CACNA1C: variants seen among roughly 807,000 people sequenced by gnomAD.
CACNA1C encodes calcium voltage-gated channel subunit alpha1 C.
A neutral mutation model predicts 229.0 loss-of-function variants in CACNA1C; 30 were observed. The observed-to-expected ratio is 0.13, with a 90% CI of 0.10 to 0.18. The LOEUF (loss-of-function observed/expected upper bound fraction) is 0.18, where lower values mean the gene tolerates loss of function less well. CACNA1C is among the 10% of genes least tolerant of loss of function. CACNA1C has a pLI of 1.00. For synonymous variants in CACNA1C, 1,114 were observed against 1,132.5 expected (o/e 0.98, Z 0.33); for missense variants, 1,658 against 2,845.0 (o/e 0.58, Z 9.49).
chr12:2,414,663 A>G (rs1256630296), intron 3 of CACNA1C, among the ~76,000 whole-genome samples: 1 of 152,088 alleles, frequency 6.6e-6, no homozygotes, highest in Non-Finnish European at 1.5e-5. Context: ...TCTACCTCTG[A>G]TTGAGTGTCA....
At chr12:2,676,623 C>T (rs1341034610) in intron 39 of CACNA1C, 1 of 154,194 alleles carries the variant, frequency 6.5e-6, no homozygotes, top group Non-Finnish European at 1.4e-5. Flanking sequence ...CTCCTTCCAC[C>T]AGCCCCTCCC....
intron 3 of CACNA1C, among the ~76,000 whole-genome samples, chr12:2,320,867 C>G (rs985896208): frequency 2.0e-5 from 3 of 150,722 alleles, no homozygotes; most frequent in South Asian, 2.1e-4. Context: ...GCTTGGAAAC[C>G]CTCATTCCCT....
At chr12:2,005,183 A>G (rs894648530) in intron 1 of CACNA1C, among the ~76,000 whole-genome samples, 9 of 152,090 alleles carry the variant, frequency 5.9e-5, no homozygotes, top group African/African-American at 2.2e-4. Flanking sequence ...AGCCAGTGTC[A>G]CCTGATGGTG....
At chr12:2,309,307 A>T (rs1181301951) in intron 3 of CACNA1C, among the ~76,000 whole-genome samples, 1 of 152,192 alleles carries the variant, frequency 6.6e-6, no homozygotes, top group Non-Finnish European at 1.5e-5. Context: ...ATAGAAGCAG[A>T]GAGTAGAACA....
intron 11 of CACNA1C, among the ~76,000 whole-genome samples, chr12:2,564,617 G>T (rs578096416): frequency 7.4e-4 from 113 of 152,084 alleles, no homozygotes; most frequent in African/African-American, 2.7e-3. Context: ...CTCTACTCCC[G>T]CTCCTCTGGC....
In CACNA1C at chr12:2,053,671, C is replaced by G. The variant is rs972405466; in HGVS notation, c.49+60C>G. 3 of 1,498,594 alleles carry G rather than the reference C, an allele frequency of 2.0e-6. No homozygotes were observed. Among genetic ancestry groups the G allele is most frequent in the African/African-American group, 1.4e-5 (1 of 69,772 alleles). The allele number at this position is 1,498,594 out of a possible 1,614,324, so 92.8% of individuals were successfully genotyped here. A position where few individuals can be genotyped will look rare whatever the true frequency, so the allele number is the denominator to read the frequency against. On this transcript the variant is annotated intron_variant, in intron 1 of 46. Transcript: ENST00000399655. This position sits in a 1 kb window ranked among gnomAD's most constrained non-coding sequence, Gnocchi z 5.8. ...CTGCCTTTTCCACCGGGTTCCTGCC[C>G]TACCCGCGCTCCCCGCGGCCCCGGG...
intron 3 of CACNA1C, among the ~76,000 whole-genome samples, chr12:2,252,714 G>C (rs2076029253): frequency 6.6e-6 from 1 of 152,208 alleles, no homozygotes; most frequent in Admixed American, 6.5e-5. Context: ...GGGGACAGCT[G>C]TATGTTTTCT....
At position 2,053,481 on chromosome 12, in the gene CACNA1C, G is replaced by T. The variant is rs1024048968; in HGVS notation, c.-82G>T. 56 of 1,529,468 alleles carry T rather than the reference G, an allele frequency of 3.7e-5. No homozygotes were observed. The African/African-American group carries it at 6.8e-4, about 19-fold the overall frequency. The allele number at this position is 1,529,468 out of a possible 1,614,324, so 94.7% of individuals were successfully genotyped here. On this transcript the variant is annotated 5_prime_UTR_variant, in exon 1 of 47. Transcript: ENST00000399655. This position sits in a 1 kb window ranked among gnomAD's most constrained non-coding sequence, Gnocchi z 5.8. The stretch of plus-strand genomic sequence containing the variant: ...CGAAAGCCGCCGGCCTCGGAGGAGG[G>T]ATTAATCCAGACCCGCCGGGGGGTG...
At chr12:2,158,770 C>T (rs1049856224) in intron 3 of CACNA1C, among the ~76,000 whole-genome samples, 1 of 152,130 alleles carries the variant, frequency 6.6e-6, no homozygotes, top group Non-Finnish European at 1.5e-5. Flanking sequence ...TAAAACTTAG[C>T]CCGATGCACC....
At chr12:2,564,207 A>G (rs181858424) in intron 11 of CACNA1C, among the ~76,000 whole-genome samples, 146 of 152,340 alleles carry the variant, frequency 9.6e-4, no homozygotes, top group Admixed American at 2.9e-3. Context: ...TACTTTAAAA[A>G]GCAGTTTCCT....
chr12:2,598,550 A>C (rs1311016593), intron 21 of CACNA1C, among the ~76,000 whole-genome samples: 1 of 152,090 alleles, frequency 6.6e-6, no homozygotes, highest in African/African-American at 2.4e-5. Flanking sequence ...CTTCAGCTTT[A>C]GCTTCTTCCT....
At chr12:2,459,583 G>A (rs915646314) in intron 5 of CACNA1C, among the ~76,000 whole-genome samples, 2 of 152,112 alleles carry the variant, frequency 1.3e-5, no homozygotes, top group Admixed American at 6.5e-5. Flanking sequence ...TAACTGTCTG[G>A]GGGTACTTAG....
At chr12:2,688,412 A>G in intron 45 of CACNA1C, 35 bp from the exon 46 acceptor site, 1 of 1,603,832 alleles carries the variant, frequency 6.2e-7, no homozygotes, top group Non-Finnish European at 8.5e-7. Context: ...GGGGTCGGCC[A>G]CTCCTATTAA....
chr12:2,665,611 G>A lies in CACNA1C; in HGVS notation c.4429G>A (p.Asp1477Asn). ...CAACCTCTTTGTAGCTGTCATCATGGACAACTTTGACTACCTGACAAGGGA... is the reference window on the plus strand; with the variant it reads ...CAACCTCTTTGTAGCTGTCATCATGAACAACTTTGACTACCTGACAAGGGA... ...IINLFVAVIM[D>N]NFDYLTRDWS... The change falls in exon 36 of 47, where the codon GAC becomes AAC. Residue 1477 changes from aspartate to asparagine, a missense_variant. Coordinates refer to ENST00000399655, the MANE Select transcript of CACNA1C (RefSeq NM_000719.7). This position sits in a 1 kb window ranked among gnomAD's most constrained non-coding sequence, Gnocchi z 5.9. 6.2e-7 allele frequency: 1 copy of A among 1,613,792 alleles called. No homozygotes were observed. The highest frequency in any genetic ancestry group is 1.1e-5 in the South Asian group (1 of 91,064).
At chr12:2,604,728 A>G (rs116810151) in intron 22 of CACNA1C, among the ~76,000 whole-genome samples, 2,766 of 152,358 alleles carry the variant, frequency 0.018, 86 homozygotes, top group African/African-American at 0.063. Context: ...CTTGGCTAGC[A>G]AGTGCCTGCA....
At chr12:2,650,868 C>T (rs952863777) in intron 31 of CACNA1C, among the ~76,000 whole-genome samples, 4 of 152,162 alleles carry the variant, frequency 2.6e-5, no homozygotes, top group African/African-American at 7.2e-5. Context: ...CCCTCCCTTA[C>T]GCTGCCCCTC....
intron 3 of CACNA1C, among the ~76,000 whole-genome samples, chr12:2,405,781 C>T (rs987843243): frequency 6.6e-6 from 1 of 152,230 alleles, no homozygotes; most frequent in African/African-American, 2.4e-5. Flanking sequence ...TTTGCTTCAA[C>T]TGTCAAAATT....
rs865971584 is a variant in CACNA1C, at chr12:2,226,137, A to G, written c.477+105707A>G. On this transcript the variant is annotated intron_variant, in intron 3 of 46. Coordinates refer to ENST00000399655, the MANE Select transcript of CACNA1C (RefSeq NM_000719.7). ...GATATGGGGACGCGCACACACACAC[A>G]CACACACACACACACACACACACAC... 4.8e-3 allele frequency among the ~76,000 whole-genome samples: 678 copies of G among 142,406 alleles called. 5 individuals are homozygous for G. Among genetic ancestry groups the G allele is most frequent in the East Asian group, 0.03 (150 of 4,956 alleles). 93.4% of individuals were successfully genotyped at this position (142,406 alleles called of 152,430 possible).
intron 1 of CACNA1C, among the ~76,000 whole-genome samples, chr12:2,025,589 A>G (rs976136863): frequency 2.0e-5 from 3 of 152,018 alleles, no homozygotes; most frequent in Non-Finnish European, 2.9e-5. Context: ...ATTCTCTCAC[A>G]TCTCAGCCTC....
Sources: allele counts gnomAD v4.1 joint callset (sites outside exome capture counted in the v4.1 genomes callset), GRCh38; gene constraint gnomAD v4.1.1; non-coding constraint Gnocchi (gnomAD v3.1); transcripts MANE v1.5; gene names NCBI Gene and HGNC (gene_info 2026-07-23, HGNC 2026-07-21).